The following SPIRE1 variants were observed in gnomAD, a reference collection of about 807,000 sequenced individuals.
SPIRE1 encodes the protein protein spire homolog 1.
In SPIRE1, 40 loss-of-function variants were observed where a neutral mutation model predicts 94.1. The observed-to-expected ratio is 0.43, with a 90% CI of 0.33 to 0.55. The LOEUF (loss-of-function observed/expected upper bound fraction) is 0.55. Ranked by LOEUF, SPIRE1 falls within the 20% of genes least tolerant of loss-of-function variation. SPIRE1 has a pLI of 0.06. For synonymous variants in SPIRE1, 376 were observed against 371.7 expected (o/e 1.01, Z -0.13); for missense variants, 838 against 975.2 (o/e 0.86, Z 1.87).
At chr18:12,592,309 T>A (rs1365912967) in intron 2 of SPIRE1, among the ~76,000 whole-genome samples, 1 of 152,228 alleles carries the variant, frequency 6.6e-6, no homozygotes, top group East Asian at 1.9e-4. Flanking sequence ...TTTTAAAGTG[T>A]ACGATAATAT....
chr18:12,457,444 C>T (rs1282575403), intron 12 of SPIRE1, among the ~76,000 whole-genome samples: 2 of 150,928 alleles, frequency 1.3e-5, no homozygotes, highest in Non-Finnish European at 2.9e-5. Context: ...ACTCAAGGCC[C>T]CAGCTAGAGC....
intron 10 of SPIRE1, among the ~76,000 whole-genome samples, chr18:12,467,342 T>C (rs1215554906): frequency 2.6e-5 from 4 of 152,156 alleles, no homozygotes; most frequent in Non-Finnish European, 5.9e-5. Flanking sequence ...TTGGGACTTA[T>C]CATGAACACC....
intron 10 of SPIRE1, among the ~76,000 whole-genome samples, chr18:12,474,893 G>C (rs907771056): frequency 3.9e-5 from 6 of 152,108 alleles, no homozygotes; most frequent in Non-Finnish European, 7.4e-5. Flanking sequence ...TGGGGAAGTA[G>C]GTGATACAAC....
chr18:12,629,652 G>C (rs1313448925), intron 2 of SPIRE1, among the ~76,000 whole-genome samples: 1 of 152,140 alleles, frequency 6.6e-6, no homozygotes, highest in Non-Finnish European at 1.5e-5. Flanking sequence ...AAAGTGGCAT[G>C]GGGGACGTTA....
intron 2 of SPIRE1, among the ~76,000 whole-genome samples, chr18:12,627,255 CCTGT>C (rs1422383108): frequency 1.3e-5 from 2 of 151,804 alleles, no homozygotes; most frequent in Non-Finnish European, 2.9e-5. Context: ...TGTTCCCCAC[CCTGT>C]GTCCAAGTGT....
rs545094996 is a variant in SPIRE1 at position 12,657,889 on chromosome 18, G to T, written c.-23C>A. The T allele has an allele frequency of 9.6e-7, 1 of 1,040,074 alleles. No individual in the cohort carries two copies. Among genetic ancestry groups the T allele is most frequent in the Non-Finnish European group, 1.2e-6 (1 of 868,642 alleles). The allele number at this position is 1,040,074 out of a possible 1,614,324, so 64.4% of individuals were successfully genotyped here. On this transcript the variant is annotated 5_prime_UTR_variant, in exon 1 of 17. Transcript: ENST00000409402. ...CATCCCGCGGGTGGGCGCTGCGCTC[G>T]GCAGTCGCGCCGTGTGCCGGCGTCT...
intron 2 of SPIRE1, among the ~76,000 whole-genome samples, chr18:12,597,794 T>A (rs1048978802): frequency 1.3e-5 from 2 of 152,174 alleles, no homozygotes; most frequent in African/African-American, 4.8e-5. Flanking sequence ...GGGGCACAAT[T>A]AAATATGCAG....
chr18:12,485,716 C>T (rs2033012296), intron 9 of SPIRE1, among the ~76,000 whole-genome samples: 2 of 152,146 alleles, frequency 1.3e-5, no homozygotes, highest in Admixed American at 1.3e-4. Context: ...TCTTCTAGAA[C>T]CATGAGTGTG....
rs887151308 is a variant in SPIRE1, at chr18:12,658,030, G to C, written c.-164C>G. ...GACCAGGCGAGTGCCCGGGAGGCGT[G>C]GGCAAGAGGAGGGCGGCGAGGACAC... On this transcript the variant is annotated 5_prime_UTR_variant, in exon 1 of 17. Transcript: ENST00000409402. The C allele has an allele frequency of 1.4e-4, 142 of 992,880 alleles. No homozygotes were observed. Among genetic ancestry groups the C allele is most frequent in the Non-Finnish European group, 1.6e-4 (137 of 836,008 alleles). 61.5% of individuals were successfully genotyped at this position (992,880 alleles called of 1,614,324 possible). A position where few individuals can be genotyped will look rare whatever the true frequency, so the allele number is the denominator to read the frequency against.
chr18:12,473,738 T>C (rs556812566), intron 10 of SPIRE1, among the ~76,000 whole-genome samples: 2 of 152,358 alleles, frequency 1.3e-5, no homozygotes, highest in South Asian at 4.1e-4. Context: ...ATATATTAAC[T>C]GATTACAAAG....
At chr18:12,602,027 T>G (rs911677550) in intron 2 of SPIRE1, among the ~76,000 whole-genome samples, 4 of 152,148 alleles carry the variant, frequency 2.6e-5, no homozygotes, top group Admixed American at 2.6e-4. Context: ...CTTGGGTGAC[T>G]AGGGGTGCCA....
At chr18:12,461,469 T>C (rs938081728) in intron 12 of SPIRE1, among the ~76,000 whole-genome samples, 8 of 151,138 alleles carry the variant, frequency 5.3e-5, no homozygotes, top group Non-Finnish European at 8.8e-5. Flanking sequence ...TATGTACATA[T>C]GTACGTACAT....
At chr18:12,527,452 G>A (rs1479559889) in intron 4 of SPIRE1, among the ~76,000 whole-genome samples, 1 of 152,190 alleles carries the variant, frequency 6.6e-6, no homozygotes, top group African/African-American at 2.4e-5. Context: ...TTATATATAA[G>A]GATAGGCCTT....
chr18:12,477,527 C>A (rs185557246), intron 10 of SPIRE1, among the ~76,000 whole-genome samples: 141 of 152,166 alleles, frequency 9.3e-4, no homozygotes, highest in South Asian at 1.7e-3. Context: ...GTGTTAGAAA[C>A]TGGTGATATA....
chr18:12,497,826 C>A (rs1444279230), intron 6 of SPIRE1, among the ~76,000 whole-genome samples: 1 of 152,202 alleles, frequency 6.6e-6, no homozygotes, highest in African/African-American at 2.4e-5. Context: ...ATCTTTCTGG[C>A]TAATTTTCAC....
intron 2 of SPIRE1, among the ~76,000 whole-genome samples, chr18:12,550,221 G>A (rs1444843563): frequency 1.3e-5 from 2 of 152,074 alleles, no homozygotes; most frequent in Non-Finnish European, 2.9e-5. Flanking sequence ...CAAACCTCCC[G>A]AAAGGGCGGT....
rs2038301522 is a variant in SPIRE1 at position 12,648,971 on chromosome 18, T to C, written c.337+8559A>G. Among the ~76,000 whole-genome samples the C allele has an allele frequency of 6.0e-5, 9 of 151,004 alleles. No individual in the cohort carries two copies. The South Asian group carries it at 1.7e-3, about 28-fold the overall frequency. On this transcript the variant is annotated intron_variant, in intron 1 of 16. Coordinates refer to ENST00000409402, the MANE Select transcript of SPIRE1 (RefSeq NM_001128626.2). ...CAAATGAAGTCTGGAGTTTAGTTAA[T>C]AGCAATGCATCAATGTTGTTTTTTC...
intron 2 of SPIRE1, among the ~76,000 whole-genome samples, chr18:12,615,345 A>AATATATATAT (rs71174107): frequency 1.9e-3 from 33 of 17,204 alleles, no homozygotes; most frequent in Non-Finnish European, 4.1e-3. Context: ...AAAAAAAAAA[A>AATATATATAT]ATATATATAT....
intron 2 of SPIRE1, among the ~76,000 whole-genome samples, chr18:12,555,731 C>T (rs1567930779): frequency 6.6e-6 from 1 of 152,076 alleles, no homozygotes; most frequent in Non-Finnish European, 1.5e-5. Flanking sequence ...TAGGGAAAAA[C>T]TAAAAGCCTT....
Sources: gnomAD v4.1 joint callset for allele counts (sites outside exome capture counted in the v4.1 genomes callset) on GRCh38, gnomAD v4.1.1 for gene constraint, MANE v1.5 for transcripts, NCBI Gene and HGNC (gene_info 2026-07-23, HGNC 2026-07-21) for gene names.